CIAPIN1: variants seen among roughly 807,000 people sequenced by gnomAD.
CIAPIN1 encodes the protein anamorsin.
In CIAPIN1, 18 loss-of-function variants were observed where a neutral mutation model predicts 34.3. The ratio of observed to expected loss-of-function variants is 0.52; its 90% CI spans 0.36 to 0.78. The LOEUF is 0.78. CIAPIN1 is among the 30% of genes least tolerant of loss of function. The pLI, the probability that CIAPIN1 is intolerant of heterozygous loss-of-function variation, is 0.00. For missense variants in CIAPIN1, 310 were observed against 372.5 expected (o/e 0.83, Z 1.38); for synonymous variants, 131 against 140.4 (o/e 0.93, Z 0.47).
Position 57,428,888 on chromosome 16 carries a change from CAGA to C in CIAPIN1, c.*279_*281del, listed in dbSNP as rs1567568716. ...AGCGTTCTGGTCAGCATTTTAACAT[CAGA>C]AGAAGGGCTTCTTCAGGACACACTC... is the stretch of plus-strand genomic sequence containing the variant. On this transcript the variant is annotated 3_prime_UTR_variant, in exon 9 of 9. Coordinates refer to ENST00000394391, the MANE Select transcript of CIAPIN1 (RefSeq NM_020313.4). 3.0e-6 allele frequency: 1 copy of C among 332,442 alleles called. No individual in the cohort carries two copies. The allele number at this position is 332,442 out of a possible 1,614,324, so 20.6% of individuals were successfully genotyped here.
At position 57,431,199 on chromosome 16, in the gene CIAPIN1, C is replaced by T. The variant is rs140678062; in HGVS notation, c.698G>A (p.Arg233Gln). ...TTTCCCTTCCCCACAAGAAGCAGCC[C>T]GCAGGGAAGCTGGATCTGGCTTCTT... is the stretch of plus-strand genomic sequence containing the variant. Reference protein sequence around the residue: ...DLKKPDPASLRAASCGEGKKR... With the variant: ...DLKKPDPASLQAASCGEGKKR... The change falls in exon 7 of 9, where the codon CGG becomes CAG. Residue 233 changes from arginine (R) to glutamine (Q), a missense_variant. Arg to Gln is a conservative substitution (Grantham distance 43, BLOSUM62 1). Transcript: ENST00000394391. 48 of 1,613,832 alleles carry T rather than the reference C, an allele frequency of 3.0e-5. No individual in the cohort carries two copies. The African/African-American group carries it at 3.2e-4, about 11-fold the overall frequency.
chr16:57,429,246 C>T lies in CIAPIN1; in HGVS notation c.863G>A (p.Cys288Tyr). Reference sequence around the variant, plus strand: ...GAAGGCTGGCATCCCAAGGTAGGGGCAGCTGGCACAGCGGAAGGCATCGCC... The same window carrying T: ...GAAGGCTGGCATCCCAAGGTAGGGGTAGCTGGCACAGCGGAAGGCATCGCC... ...YLGDAFRCAS[C>Y]PYLGMPAFKP... Residue 288 changes from cysteine (C) to tyrosine (Y), a missense_variant, in exon 9 of 9, where the codon TGC becomes TAC. Coordinates refer to ENST00000394391, the MANE Select transcript of CIAPIN1 (RefSeq NM_020313.4). 2 of 1,613,978 alleles carry T rather than the reference C, an allele frequency of 1.2e-6. No homozygotes were observed. Among genetic ancestry groups the T allele is most frequent in the Non-Finnish European group, 1.7e-6 (2 of 1,179,982 alleles).
intron 3 of CIAPIN1, among the ~76,000 whole-genome samples, chr16:57,438,912 T>G (rs1903263687): frequency 6.6e-6 from 1 of 152,240 alleles, no homozygotes; most frequent in Non-Finnish European, 1.5e-5. Context: ...TCACTTTCCA[T>G]ATTATGAACA....
At chr16:57,429,799 T>A (rs1165115561) in intron 8 of CIAPIN1, among the ~76,000 whole-genome samples, 2 of 121,056 alleles carry the variant, frequency 1.7e-5, no homozygotes, top group African/African-American at 6.4e-5. Flanking sequence ...GCCTTTTTTT[T>A]TTTTTGAGAT....
At chr16:57,439,938 G>A (rs1903290099) in intron 2 of CIAPIN1, among the ~76,000 whole-genome samples, 1 of 152,228 alleles carries the variant, frequency 6.6e-6, no homozygotes, top group Non-Finnish European at 1.5e-5. Flanking sequence ...TAACAGCGAT[G>A]TTCAGGGAAC....
chr16:57,431,972 A>C (rs890945859), intron 6 of CIAPIN1, among the ~76,000 whole-genome samples: 3 of 152,224 alleles, frequency 2.0e-5, no homozygotes, highest in African/African-American at 7.2e-5. Flanking sequence ...GTATGAAGTG[A>C]GAACAAGAAA....
intron 5 of CIAPIN1, 146 bp from the exon 6 acceptor site, chr16:57,432,706 C>G: frequency 1.5e-6 from 1 of 672,786 alleles, no homozygotes. Flanking sequence ...AGCTCTACCC[C>G]TCTGAGAGGT....
At chr16:57,441,091 C>T (rs1903321224) in intron 1 of CIAPIN1, 108 bp from the exon 2 acceptor site, 3 of 646,916 alleles carry the variant, frequency 4.6e-6, no homozygotes, top group Non-Finnish European at 5.1e-6. Context: ...ACATTAGAAA[C>T]TCTACTGTAT....
Position 57,440,986 on chromosome 16 carries a change from G to C in CIAPIN1, c.-55-3C>G. The C allele has an allele frequency of 1.3e-6, 2 of 1,549,056 alleles. No individual in the cohort carries two copies. The highest frequency in any genetic ancestry group is 2.4e-5 in the South Asian group (2 of 84,400). ...TGCTGGCCAAAAGGGAATCAAGACT[G>C]GGCAGAGACAAAGTGCAATTTAATC... On this transcript the variant is annotated splice_polypyrimidine_tract_variant and splice_region_variant and intron_variant, in intron 1 of 8. Transcript: ENST00000394391.
At chr16:57,445,452 G>T (rs1357291212) in intron 1 of CIAPIN1, among the ~76,000 whole-genome samples, 1 of 152,130 alleles carries the variant, frequency 6.6e-6, no homozygotes, top group Non-Finnish European at 1.5e-5. Context: ...ACGTTGTAGT[G>T]GACCAAGATC....
intron 3 of CIAPIN1, among the ~76,000 whole-genome samples, chr16:57,438,499 G>A (rs1272734119): frequency 6.6e-6 from 1 of 152,168 alleles, no homozygotes; most frequent in African/African-American, 2.4e-5. Context: ...CCCAATTATA[G>A]CATGATATGA....
chr16:57,439,201 C>T lies in CIAPIN1; in HGVS notation c.291G>A (p.Glu97=), dbSNP rs370676698. ...LRPGGCLFLK[E]PVETAVDNNS... ...CCTTACCTACAGCTGTCTCTACTGG[C>T]TCCTTCAGAAAAAGACATCCACCAG... is the stretch of plus-strand genomic sequence containing the variant. The change falls in exon 3 of 9, where the codon GAG becomes GAA. Residue 97 remains glutamate, a synonymous_variant. Transcript: ENST00000394391. 2.4e-5 allele frequency: 39 copies of T among 1,613,808 alleles called. No individual in the cohort carries two copies. The highest frequency in any genetic ancestry group is 5.5e-5 in the South Asian group (5 of 91,068).
intron 3 of CIAPIN1, among the ~76,000 whole-genome samples, chr16:57,438,491 C>T (rs1023699237): frequency 6.6e-6 from 1 of 152,176 alleles, no homozygotes; most frequent in Non-Finnish European, 1.5e-5. Context: ...ACATCTTACC[C>T]AATTATAGCA....
chr16:57,431,061 G>T, intron 7 of CIAPIN1, 90 bp downstream of exon 7: 1 of 684,492 alleles, frequency 1.5e-6, no homozygotes, highest in Non-Finnish European at 2.5e-6. Flanking sequence ...CCTGGAAAAT[G>T]TATGTTCTAA....
At chr16:57,436,217 GTTT>G (rs1304439598) in intron 4 of CIAPIN1, among the ~76,000 whole-genome samples, 1 of 151,758 alleles carries the variant, frequency 6.6e-6, no homozygotes, top group African/African-American at 2.4e-5. Flanking sequence ...ATTCTCAAAA[GTTT>G]TTTTTTGTTT....
intron 3 of CIAPIN1, 140 bp downstream of exon 3, chr16:57,439,042 A>C (rs557633961): frequency 1.2e-6 from 1 of 809,806 alleles, no homozygotes; most frequent in Non-Finnish European, 1.9e-6. Flanking sequence ...TCAGATTTTA[A>C]CAATAATTTA....
chr16:57,433,658 G>A (rs1903138353), intron 5 of CIAPIN1: 2 of 217,370 alleles, frequency 9.2e-6, no homozygotes, highest in South Asian at 1.3e-4. Context: ...CTGGCATGGG[G>A]AAAAAAGCAC....
At chr16:57,434,329 G>T in intron 4 of CIAPIN1, 117 bp from the exon 5 acceptor site, 1 of 909,430 alleles carries the variant, frequency 1.1e-6, no homozygotes, top group Non-Finnish European at 1.7e-6. Context: ...AACAGTGGAT[G>T]GTAACAGATA....
At chr16:57,446,510 A>T (rs1187930735) in intron 1 of CIAPIN1, among the ~76,000 whole-genome samples, 1 of 152,178 alleles carries the variant, frequency 6.6e-6, no homozygotes, top group Non-Finnish European at 1.5e-5. Context: ...ACAGAATCAC[A>T]TGCTCTTGTC....
Sources: allele counts gnomAD v4.1 joint callset (sites outside exome capture counted in the v4.1 genomes callset), GRCh38; gene constraint gnomAD v4.1.1; transcripts MANE v1.5; gene names NCBI Gene and HGNC (gene_info 2026-07-23, HGNC 2026-07-21).